Variants in HYCC1 observed in about 807,000 individuals in gnomAD.
HYCC1 encodes hyccin PI4KA lipid kinase complex subunit 1.
the HYCC1 span, chr7:22,939,360 C>T: frequency 6.6e-6 from 1 of 152,108 alleles, no homozygotes; most frequent in Non-Finnish European, 1.5e-5. Flanking sequence ...TTCATTTGTA[C>T]CAATCTACAG....
At chr7:22,898,651 G>A in the HYCC1 span, among the ~76,000 whole-genome samples, 1 of 144,846 alleles carries the variant, frequency 6.9e-6, no homozygotes, top group Non-Finnish European at 1.5e-5. Context: ...CGCCCAGCCT[G>A]GAGTACAGTG....
At chr7:22,948,627 T>C in the HYCC1 span, among the ~76,000 whole-genome samples, 1 of 152,062 alleles carries the variant, frequency 6.6e-6, no homozygotes, top group African/African-American at 2.4e-5. Flanking sequence ...GGATACTCCA[T>C]ACCCAGCAGC....
At chr7:22,950,840 T>C in the HYCC1 span, among the ~76,000 whole-genome samples, 134 of 151,758 alleles carry the variant, frequency 8.8e-4, no homozygotes, top group Middle Eastern at 0.021. Context: ...ATTTTGTTTT[T>C]CCCAGAACTT....
the HYCC1 span, among the ~76,000 whole-genome samples, chr7:23,001,284 A>G: frequency 5.9e-5 from 9 of 152,330 alleles, no homozygotes; most frequent in South Asian, 8.3e-4. Context: ...AAAGAAAGCT[A>G]ACACTTAAAG....
chr7:22,989,904 G>A, the HYCC1 span, among the ~76,000 whole-genome samples: 1 of 152,100 alleles, frequency 6.6e-6, no homozygotes, highest in Admixed American at 6.5e-5. Flanking sequence ...CTCCTTCTTT[G>A]AGTGACTACT....
the HYCC1 span, among the ~76,000 whole-genome samples, chr7:22,959,948 AC>A: frequency 6.6e-6 from 1 of 152,250 alleles, no homozygotes. Context: ...ATTTGCAAAT[AC>A]TTTTGAATAC....
chr7:22,978,208 T>G, the HYCC1 span: 1 of 1,459,336 alleles, frequency 6.9e-7, no homozygotes, highest in Non-Finnish European at 9.6e-7. Context: ...GAAAAGCAGT[T>G]GCACAGGTTA....
chr7:22,899,927 T>C, the HYCC1 span, among the ~76,000 whole-genome samples: 1 of 152,174 alleles, frequency 6.6e-6, no homozygotes, highest in African/African-American at 2.4e-5. Flanking sequence ...TCTGATCTGT[T>C]AGAATAAAAT....
the HYCC1 span, among the ~76,000 whole-genome samples, chr7:22,909,721 G>C: frequency 2.0e-5 from 3 of 152,118 alleles, no homozygotes; most frequent in Non-Finnish European, 4.4e-5. Flanking sequence ...CCCTCTGCCT[G>C]ATACTTCTTT....
At chr7:22,955,555 A>C in the HYCC1 span, among the ~76,000 whole-genome samples, 1 of 151,670 alleles carries the variant, frequency 6.6e-6, no homozygotes, top group Non-Finnish European at 1.5e-5. Context: ...AGAATGAATG[A>C]CTAGTATTAC....
the HYCC1 span, among the ~76,000 whole-genome samples, chr7:23,012,417 C>G: frequency 0.045 from 6,843 of 152,222 alleles, 514 homozygotes; most frequent in African/African-American, 0.16. Context: ...ATGCCGATGA[C>G]TAAGAAGGTT....
chr7:22,919,958 T>G, the HYCC1 span, among the ~76,000 whole-genome samples: 6,576 of 152,232 alleles, frequency 0.043, 201 homozygotes, highest in Non-Finnish European at 0.056. Context: ...CTGAGCTCAA[T>G]GAACTCCAAG....
At chr7:22,988,315 C>A in the HYCC1 span, among the ~76,000 whole-genome samples, 7 of 152,160 alleles carry the variant, frequency 4.6e-5, no homozygotes, top group Non-Finnish European at 1.0e-4. Context: ...GGAGAAACTA[C>A]TTAAACTACA....
chr7:22,948,145 GA>G, the HYCC1 span, among the ~76,000 whole-genome samples: 2 of 151,998 alleles, frequency 1.3e-5, no homozygotes, highest in Non-Finnish European at 2.9e-5. Flanking sequence ...TGTAAATGGG[GA>G]AAAGTAACAT....
the HYCC1 span, among the ~76,000 whole-genome samples, chr7:22,982,343 C>A: frequency 6.6e-6 from 1 of 152,096 alleles, no homozygotes; most frequent in Non-Finnish European, 1.5e-5. Context: ...TTTGGCTTGT[C>A]AATATACTCC....
At chr7:22,977,599 T>C in the HYCC1 span, among the ~76,000 whole-genome samples, 200 of 152,310 alleles carry the variant, frequency 1.3e-3, 3 homozygotes, top group East Asian at 0.034. Context: ...AGTTAAACTG[T>C]ACATCCTTCC....
chr7:22,967,011 C>T, the HYCC1 span, among the ~76,000 whole-genome samples: 1 of 152,156 alleles, frequency 6.6e-6, no homozygotes, highest in African/African-American at 2.4e-5. Flanking sequence ...TCTTACATCT[C>T]ACATTGTTAT....
the HYCC1 span, among the ~76,000 whole-genome samples, chr7:22,904,731 G>A: frequency 2.0e-5 from 3 of 151,874 alleles, no homozygotes; most frequent in South Asian, 6.2e-4. Context: ...ATCACTTGAG[G>A]CCAGGAGTTT....
the HYCC1 span, chr7:22,983,931 T>C: frequency 1.4e-6 from 2 of 1,454,376 alleles, no homozygotes; most frequent in Middle Eastern, 3.5e-4. Flanking sequence ...CAATAAACCA[T>C]AAAAGTACTT....
Sources: allele counts gnomAD v4.1 joint callset (sites outside exome capture counted in the v4.1 genomes callset), GRCh38; gene constraint gnomAD v4.1.1; transcripts MANE v1.5; gene names NCBI Gene and HGNC (gene_info 2026-07-23, HGNC 2026-07-21).